Variants in PDE12 observed in about 807,000 individuals in gnomAD.
The protein encoded by PDE12 is phosphodiesterase 12.
Under a neutral mutation model 45.4 loss-of-function variants are expected in PDE12, and 26 were observed. The observed-to-expected ratio is 0.57, with a 90% CI of 0.42 to 0.79. The LOEUF is 0.79. Ranked by LOEUF, PDE12 falls within the 30% of genes least tolerant of loss-of-function variation. The probability of loss-of-function intolerance (pLI) is 0.00; values close to 1 mark genes in which losing one functional copy is unlikely to be tolerated. For missense variants in PDE12, 668 were observed against 790.0 expected (o/e 0.85, Z 1.85); for synonymous variants, 283 against 323.9 (o/e 0.87, Z 1.36).
chr3:57,617,129 G>T, the PDE12 span, among the ~76,000 whole-genome samples: 1 of 151,944 alleles, frequency 6.6e-6, no homozygotes, highest in Non-Finnish European at 1.5e-5. Flanking sequence ...TCTAGGCCAG[G>T]CACAGTGACT....
At chr3:57,607,340 C>T in the PDE12 span, among the ~76,000 whole-genome samples, 1 of 152,254 alleles carries the variant, frequency 6.6e-6, no homozygotes, top group East Asian at 1.9e-4. Flanking sequence ...GCGCGTCTCC[C>T]CCTCCGAAGG....
the PDE12 span, chr3:57,583,885 C>T: frequency 3.3e-6 from 5 of 1,534,102 alleles, no homozygotes; most frequent in Non-Finnish European, 4.5e-6. Context: ...TAAAAACATA[C>T]AGTATCCCTT....
At chr3:57,640,370 A>C in the PDE12 span, among the ~76,000 whole-genome samples, 2 of 152,022 alleles carry the variant, frequency 1.3e-5, no homozygotes. Context: ...AGGTGGGCAG[A>C]TCACCTGAGC....
the PDE12 span, among the ~76,000 whole-genome samples, chr3:57,581,801 TAAAC>T: frequency 6.6e-6 from 1 of 151,964 alleles, no homozygotes; most frequent in African/African-American, 2.4e-5. Context: ...TCAAAAAAAA[TAAAC>T]AAACTGTCTA....
the PDE12 span, among the ~76,000 whole-genome samples, chr3:57,614,816 A>G: frequency 6.6e-6 from 1 of 151,434 alleles, no homozygotes; most frequent in African/African-American, 2.4e-5. Flanking sequence ...AAGATGATGA[A>G]AACCCGTCTC....
At position 57,559,575 on chromosome 3, in the gene PDE12, C is replaced by T; in HGVS notation, c.1401C>T (p.Arg467=). ...LYWHPKGGYI[R]LIQMAVALAH... is the part of the protein sequence containing the mutation. ...TTATATTCATAGGTGGGTATATTCG[C>T]CTCATTCAAATGGCAGTAGCCTTGG... The change falls in exon 3 of 3, where the codon CGC becomes CGT. Residue 467 remains arginine (R), a synonymous_variant. Coordinates refer to ENST00000311180, the MANE Select transcript of PDE12 (RefSeq NM_177966.7). 6.2e-7 allele frequency: 1 copy of T among 1,606,220 alleles called. No homozygotes were observed. The highest frequency in any genetic ancestry group is 8.5e-7 in the Non-Finnish European group (1 of 1,174,070).
At chr3:57,579,423 G>A in the PDE12 span, among the ~76,000 whole-genome samples, 4 of 151,798 alleles carry the variant, frequency 2.6e-5, no homozygotes, top group Non-Finnish European at 5.9e-5. Flanking sequence ...GAGTAGCTGA[G>A]ATTACAGGCG....
At chr3:57,570,093 A>G (rs2069822745), downstream of PDE12, among the ~76,000 whole-genome samples, 2 of 152,140 alleles carry the variant, frequency 1.3e-5, no homozygotes, top group Admixed American at 1.3e-4. Flanking sequence ...CTTCTTTGGA[A>G]GGAAGAAAGG....
the PDE12 span, among the ~76,000 whole-genome samples, chr3:57,578,591 C>T: frequency 2.6e-5 from 4 of 151,922 alleles, no homozygotes; most frequent in Non-Finnish European, 4.4e-5. Flanking sequence ...ATGATCCTCC[C>T]GCCTCAGCCT....
At chr3:57,621,322 T>G in the PDE12 span, among the ~76,000 whole-genome samples, 2 of 152,332 alleles carry the variant, frequency 1.3e-5, no homozygotes, top group Admixed American at 1.3e-4. Context: ...CACATACACA[T>G]TAAAACTAAT....
chr3:57,575,816 G>C, the PDE12 span: 68 of 893,322 alleles, frequency 7.6e-5, no homozygotes, highest in African/African-American at 9.4e-4. Context: ...TCTTACAACT[G>C]AAGTCTCATA....
chr3:57,559,212 C>A, intron 1 of PDE12, 98 bp from the exon 2 acceptor site: 1 of 968,348 alleles, frequency 1.0e-6, no homozygotes. Context: ...CAGAGTGAGA[C>A]TGTCTCGAAA....
the PDE12 span, chr3:57,577,222 GTAATC>G: frequency 9.9e-7 from 1 of 1,011,960 alleles, no homozygotes; most frequent in Non-Finnish European, 1.5e-6. Context: ...ATCCATTTGT[GTAATC>G]TAATCATAGT....
chr3:57,604,528 C>T, the PDE12 span, among the ~76,000 whole-genome samples: 4 of 150,308 alleles, frequency 2.7e-5, no homozygotes, highest in East Asian at 3.9e-4. Context: ...TTAGGAGGCT[C>T]ATTGGAGCCT....
the PDE12 span, among the ~76,000 whole-genome samples, chr3:57,612,246 TGGGGGGA>T: frequency 4.5e-4 from 29 of 65,034 alleles, no homozygotes; most frequent in African/African-American, 1.9e-3. Flanking sequence ...TGTTGTGGGG[TGGGGGGA>T]GGGGGGAGGG....
chr3:57,614,328 GAAATT>G, the PDE12 span, among the ~76,000 whole-genome samples: 1 of 152,090 alleles, frequency 6.6e-6, no homozygotes, highest in Admixed American at 6.6e-5. Flanking sequence ...AGACCACACT[GAAATT>G]AAATTAGAAG....
At chr3:57,642,767 A>G in the PDE12 span, among the ~76,000 whole-genome samples, 1 of 151,954 alleles carries the variant, frequency 6.6e-6, no homozygotes, top group South Asian at 2.1e-4. Flanking sequence ...CCCTTTGGGA[A>G]GGCCGAGGTG....
At chr3:57,597,187 C>T in the PDE12 span, 3 of 1,553,428 alleles carry the variant, frequency 1.9e-6, no homozygotes, top group South Asian at 2.2e-5. Flanking sequence ...GGGTTTGGGG[C>T]GACCCCGTGC....
chr3:57,618,611 T>TG, the PDE12 span, among the ~76,000 whole-genome samples: 2 of 118,690 alleles, frequency 1.7e-5, no homozygotes, highest in East Asian at 3.8e-4. Context: ...TTTTGTGTTT[T>TG]TTTTTTTTTT....
Sources: allele counts gnomAD v4.1 joint callset (sites outside exome capture counted in the v4.1 genomes callset), GRCh38; gene constraint gnomAD v4.1.1; transcripts MANE v1.5; gene names NCBI Gene and HGNC (gene_info 2026-07-23, HGNC 2026-07-21).